Variants in BET1 observed in about 807,000 individuals in gnomAD.
BET1 encodes BET1 homolog.
Under a neutral mutation model 13.9 loss-of-function variants are expected in BET1, and 9 were observed. The observed-to-expected ratio is 0.65, with a 90% CI of 0.39 to 1.13. BET1 has a LOEUF of 1.13. Ranked by LOEUF, BET1 falls within the 50% of genes most tolerant of loss-of-function variation. The pLI, the probability that BET1 is intolerant of heterozygous loss-of-function variation, is 0.01. For synonymous variants in BET1, 39 were observed against 47.3 expected (o/e 0.82, Z 0.72); for missense variants, 127 against 133.6 (o/e 0.95, Z 0.24).
chr7:93,981,865 G>A (rs1390237473), intron 4 of BET1, among the ~76,000 whole-genome samples: 1 of 152,194 alleles, frequency 6.6e-6, no homozygotes, highest in Non-Finnish European at 1.5e-5. Flanking sequence ...GGCAGTGGCA[G>A]AAGTCACGGC....
chr7:93,970,309 T>C (rs1425968679), intron 6 of BET1, among the ~76,000 whole-genome samples: 1 of 151,724 alleles, frequency 6.6e-6, no homozygotes, highest in Admixed American at 6.6e-5. Flanking sequence ...CCCTGGAACA[T>C]TGGGTAAGTA....
In BET1 at chr7:94,004,254, T is replaced by G. The variant is rs1420773979; in HGVS notation, c.-38A>C. 2 of 1,613,944 alleles carry G rather than the reference T, an allele frequency of 1.2e-6. No individual in the cohort carries two copies. The highest frequency in any genetic ancestry group is 1.7e-6 in the Non-Finnish European group (2 of 1,179,984). On this transcript the variant is annotated 5_prime_UTR_variant, in exon 1 of 4. Coordinates refer to ENST00000222547, the MANE Select transcript of BET1 (RefSeq NM_005868.6). ...GAGAGAGAAAAGGCGGGTGCGGGGC[T>G]TTGGGTGAGTAGGAAACAGCTAGGG...
downstream of BET1, among the ~76,000 whole-genome samples, chr7:93,991,018 C>A (rs1265809849): frequency 6.6e-6 from 1 of 152,048 alleles, no homozygotes; most frequent in Non-Finnish European, 1.5e-5. Flanking sequence ...GGCTAAGATA[C>A]AGATGCCAAT....
intron 6 of BET1, among the ~76,000 whole-genome samples, chr7:93,967,774 A>G (rs534499600): frequency 6.6e-6 from 1 of 151,832 alleles, no homozygotes; most frequent in Non-Finnish European, 1.5e-5. Context: ...ATAATTTATT[A>G]TATAAACCAT....
At chr7:93,992,868 A>C, downstream of BET1, 2 of 982,864 alleles carry the variant, frequency 2.0e-6, no homozygotes, top group South Asian at 9.4e-5. Flanking sequence ...CATCTAACTC[A>C]AACCAGTGCC....
At chr7:93,984,197 C>G (rs1795482018) in intron 4 of BET1, among the ~76,000 whole-genome samples, 1 of 152,076 alleles carries the variant, frequency 6.6e-6, no homozygotes, top group African/African-American at 2.4e-5. Flanking sequence ...CCTCTGTCTC[C>G]ACAGGGCATT....
chr7:93,963,278 A>G (rs1004992321), exon 7 of BET1: 5 of 152,108 alleles, frequency 3.3e-5, no homozygotes, highest in African/African-American at 1.2e-4. Context: ...AAGAACCATG[A>G]GCTGGTTAAA....
chr7:94,002,470 AAAAAG>A (rs1795929878), intron 1 of BET1, among the ~76,000 whole-genome samples: 1 of 145,100 alleles, frequency 6.9e-6, no homozygotes, highest in African/African-American at 2.8e-5. Flanking sequence ...AAAAAAAAAA[AAAAAG>A]AAAGAAAAAA....
chr7:93,999,268 C>G lies in BET1; in HGVS notation c.46G>C (p.Gly16Arg). Residue 16 changes from glycine (G) to arginine (R), a missense_variant, in exon 2 of 4, where the codon GGG becomes CGG. Gly to Arg is a moderately radical substitution (Grantham distance 125). Coordinates refer to ENST00000222547, the MANE Select transcript of BET1 (RefSeq NM_005868.6). ...CCACTATTAGCATAGCCATAGTTCC[C>G]ATAGTTGCCAGGAGGTACTCCTTCA... ...LGEGVPPGNY[G>R]NYGYANSGYS... 1.2e-6 allele frequency: 2 copies of G among 1,612,238 alleles called. No homozygotes were observed. Among genetic ancestry groups the G allele is most frequent in the South Asian group, 2.2e-5 (2 of 90,608 alleles).
chr7:93,971,553 C>G (rs149470162), intron 6 of BET1, among the ~76,000 whole-genome samples: 2,851 of 151,838 alleles, frequency 0.019, 38 homozygotes, highest in Middle Eastern at 0.041. Flanking sequence ...AACAGCCCTA[C>G]TTCCTTTCAC....
chr7:93,988,109 T>C (rs376940399), intron 4 of BET1, among the ~76,000 whole-genome samples: 3 of 152,170 alleles, frequency 2.0e-5, no homozygotes, highest in Non-Finnish European at 2.9e-5. Flanking sequence ...TAAAAAGATA[T>C]GTTCTCTAGC....
intron 4 of BET1, among the ~76,000 whole-genome samples, chr7:93,979,208 C>A (rs928329093): frequency 1.5e-4 from 23 of 152,200 alleles, no homozygotes; most frequent in African/African-American, 5.5e-4. Context: ...AAGGGATACA[C>A]ACACAACTAG....
intron 6 of BET1, among the ~76,000 whole-genome samples, chr7:93,967,686 T>C (rs565903684): frequency 6.6e-6 from 1 of 151,980 alleles, no homozygotes; most frequent in South Asian, 2.1e-4. Context: ...AAATATCTTG[T>C]ACTGAAGGAT....
chr7:93,994,458 G>T lies in BET1; in HGVS notation c.202-73C>A, dbSNP rs573571287. On this transcript the variant is annotated intron_variant, in intron 3 of 3. Coordinates refer to ENST00000222547, the MANE Select transcript of BET1 (RefSeq NM_005868.6). ...TCTACATATGCATATCCAAGTAATT[G>T]AATAACTGTTACCATAGTACATTTG... is the stretch of plus-strand genomic sequence containing the variant. 59 of 1,411,090 alleles carry T rather than the reference G, an allele frequency of 4.2e-5. No individual in the cohort carries two copies. The South Asian group carries it at 7.7e-4, about 18-fold the overall frequency. 87.4% of individuals were successfully genotyped at this position (1,411,090 alleles called of 1,614,324 possible). A position where few individuals can be genotyped will look rare whatever the true frequency, so the allele number is the denominator to read the frequency against.
intron 4 of BET1, among the ~76,000 whole-genome samples, chr7:93,985,787 G>C (rs1461083020): frequency 6.6e-6 from 1 of 152,044 alleles, no homozygotes; most frequent in Non-Finnish European, 1.5e-5. Flanking sequence ...AATGAATATG[G>C]ACACTCCAAC....
chr7:93,979,665 A>G (rs943456438), intron 4 of BET1, among the ~76,000 whole-genome samples: 1 of 152,272 alleles, frequency 6.6e-6, no homozygotes, highest in East Asian at 1.9e-4. Context: ...CTTTCTCACC[A>G]TAATCCCCAC....
intron 4 of BET1, among the ~76,000 whole-genome samples, chr7:93,977,245 G>T (rs1481739705): frequency 6.6e-6 from 1 of 152,072 alleles, no homozygotes; most frequent in Non-Finnish European, 1.5e-5. Context: ...CAGATTACTT[G>T]AGGCCAGGAG....
downstream of BET1, chr7:93,992,771 C>A (rs1395854504): frequency 2.2e-6 from 2 of 910,282 alleles, no homozygotes; most frequent in African/African-American, 1.8e-5. Flanking sequence ...CTACTTCTCA[C>A]AACTATCCTA....
chr7:93,966,688 G>A (rs1795179381), intron 6 of BET1, among the ~76,000 whole-genome samples: 1 of 150,990 alleles, frequency 6.6e-6, no homozygotes, highest in Admixed American at 6.6e-5. Flanking sequence ...ATTAGTTTGT[G>A]CAGACTTCTT....
Sources: allele counts gnomAD v4.1 joint callset (sites outside exome capture counted in the v4.1 genomes callset), GRCh38; gene constraint gnomAD v4.1.1; transcripts MANE v1.5; gene names NCBI Gene and HGNC (gene_info 2026-07-23, HGNC 2026-07-21).